The following SLCO4C1 variants were observed in gnomAD, a reference collection of about 807,000 sequenced individuals.
The protein encoded by SLCO4C1 is solute carrier organic anion transporter family member 4C1, also known as organic anion transporter M1.
Under a neutral mutation model 72.1 loss-of-function variants are expected in SLCO4C1, and 58 were observed. The observed-to-expected ratio is 0.80, with a 90% CI of 0.65 to 1.00. The LOEUF is 1.00. SLCO4C1 is among the 50% of genes least tolerant of loss of function. The pLI, the probability that SLCO4C1 is intolerant of heterozygous loss-of-function variation, is 0.00. For missense variants in SLCO4C1, 898 were observed against 857.9 expected (o/e 1.05, Z -0.58); for synonymous variants, 297 against 312.5 (o/e 0.95, Z 0.52).
At chr5:102,268,851 C>T (rs1251682723) in intron 3 of SLCO4C1, among the ~76,000 whole-genome samples, 1 of 152,120 alleles carries the variant, frequency 6.6e-6, no homozygotes, top group Non-Finnish European at 1.5e-5. Flanking sequence ...AGTGATGATG[C>T]ACTCCCTCAA....
chr5:102,239,795 G>A (rs976898622), intron 11 of SLCO4C1, among the ~76,000 whole-genome samples: 1 of 152,030 alleles, frequency 6.6e-6, no homozygotes, highest in Non-Finnish European at 1.5e-5. Context: ...CTATGTGGGT[G>A]TGCATGTGTA....
At chr5:102,260,615 T>C (rs1044196864) in intron 5 of SLCO4C1, among the ~76,000 whole-genome samples, 9 of 152,032 alleles carry the variant, frequency 5.9e-5, no homozygotes, top group South Asian at 2.1e-4. Flanking sequence ...AGTCTAAACA[T>C]TAAAATGAGA....
At chr5:102,282,587 A>C (rs1749377659) in intron 2 of SLCO4C1, among the ~76,000 whole-genome samples, 2 of 152,044 alleles carry the variant, frequency 1.3e-5, no homozygotes, top group Non-Finnish European at 2.9e-5. Context: ...CTGCAACTCC[A>C]TCTTTACTAA....
intron 10 of SLCO4C1, among the ~76,000 whole-genome samples, chr5:102,243,570 T>C (rs1748585568): frequency 6.6e-6 from 1 of 152,086 alleles, no homozygotes; most frequent in Non-Finnish European, 1.5e-5. Flanking sequence ...ACAACTAAAA[T>C]TAGAACACCC....
chr5:102,258,387 C>T (rs1489829044), intron 6 of SLCO4C1, among the ~76,000 whole-genome samples: 2 of 152,116 alleles, frequency 1.3e-5, no homozygotes, highest in African/African-American at 2.4e-5. Context: ...AAGTTCCCTT[C>T]CCCAGTGTTA....
chr5:102,242,907 C>A (rs1233824802), intron 10 of SLCO4C1, among the ~76,000 whole-genome samples: 2 of 152,160 alleles, frequency 1.3e-5, no homozygotes, highest in East Asian at 3.9e-4. Flanking sequence ...TTATTGGAGT[C>A]CCCAATTCCA....
At chr5:102,246,268 A>G (rs1419865551) in intron 10 of SLCO4C1, among the ~76,000 whole-genome samples, 1 of 152,102 alleles carries the variant, frequency 6.6e-6, no homozygotes, top group African/African-American at 2.4e-5. Flanking sequence ...TAGCCTGACT[A>G]AGAAAAAAAG....
Position 102,239,186 on chromosome 5 carries a change from CAAT to C in SLCO4C1, c.2014+62_2014+64del. 5 of 1,399,310 alleles carry C rather than the reference CAAT, an allele frequency of 3.6e-6. No homozygotes were observed. In the South Asian group the frequency reaches 5.0e-5, roughly 14 times the overall value. 86.7% of individuals were successfully genotyped at this position (1,399,310 alleles called of 1,614,324 possible). On this transcript the variant is annotated intron_variant, in intron 12 of 12. Coordinates refer to ENST00000310954, the MANE Select transcript of SLCO4C1 (RefSeq NM_180991.5). ...AATACCTGTGACCCTAAGTAACCAACAATGAGATTTTTTTTTTTTTACATCCTT... is the reference window on the plus strand; with the variant it reads ...AATACCTGTGACCCTAAGTAACCAACGAGATTTTTTTTTTTTTACATCCTT...
chr5:102,239,821 G>A (rs945848715), intron 11 of SLCO4C1, among the ~76,000 whole-genome samples: 4 of 151,878 alleles, frequency 2.6e-5, no homozygotes, highest in African/African-American at 9.7e-5. Context: ...ACTAACATGG[G>A]CCTCTGTATG....
intron 8 of SLCO4C1, among the ~76,000 whole-genome samples, chr5:102,256,204 TA>T (rs1238195068): frequency 6.6e-6 from 1 of 151,408 alleles, no homozygotes; most frequent in East Asian, 1.9e-4. Flanking sequence ...ACTCTCTGTC[TA>T]AAAAAAACAA....
At chr5:102,284,005 T>A (rs1008260177) in intron 2 of SLCO4C1, among the ~76,000 whole-genome samples, 3 of 152,214 alleles carry the variant, frequency 2.0e-5, no homozygotes, top group Admixed American at 1.3e-4. Context: ...AGCTTCCTTT[T>A]CACACTGCAA....
At chr5:102,290,933 T>A (rs1749537896) in intron 2 of SLCO4C1, among the ~76,000 whole-genome samples, 1 of 152,174 alleles carries the variant, frequency 6.6e-6, no homozygotes, top group African/African-American at 2.4e-5. Context: ...AATTTCCACT[T>A]TTCTAAATGT....
In SLCO4C1 at chr5:102,270,643, G is replaced by C; in HGVS notation, c.783C>G (p.His261Gln). The C allele has an allele frequency of 1.2e-6, 2 of 1,611,580 alleles. No individual in the cohort carries two copies. Among genetic ancestry groups the C allele is most frequent in the South Asian group, 1.1e-5 (1 of 90,648 alleles). Residue 261 changes from histidine to glutamine, a missense_variant, in exon 3 of 13, where the codon CAC becomes CAG. His to Gln is a conservative substitution (Grantham distance 24). Coordinates refer to ENST00000310954, the MANE Select transcript of SLCO4C1 (RefSeq NM_180991.5). ...ACTTACCTATATAGAGAGAAGACTT[G>C]TGTGTGGGCACAGAATCATCAAGAA... Reference protein sequence around the residue: ...TAFLDDSVPTHKSSLYIGTGY... With the variant: ...TAFLDDSVPTQKSSLYIGTGY...
In SLCO4C1 at chr5:102,257,266, C is replaced by G; in HGVS notation, c.1318G>C (p.Gly440Arg). The change falls in exon 8 of 13, where the codon GGC (glycine) becomes CGC (arginine). Residue 440 changes from glycine to arginine, a missense_variant. Gly to Arg is a moderately radical substitution (Grantham distance 125, BLOSUM62 -2). Coordinates refer to ENST00000310954, the MANE Select transcript of SLCO4C1 (RefSeq NM_180991.5). The part of the protein sequence containing the change: ...PGAALGQILG[G>R]FLVSKFRMTC... ...ATTCTGAATTTTGAAACAAGGAAGC[C>G]ACCTAAAATTTGACCGAGAGCAGCT... 6.2e-7 allele frequency: 1 copy of G among 1,605,038 alleles called. No individual in the cohort carries two copies. Among genetic ancestry groups the G allele is most frequent in the Non-Finnish European group, 8.5e-7 (1 of 1,176,358 alleles).
chr5:102,244,506 C>A (rs1748603158), intron 10 of SLCO4C1, among the ~76,000 whole-genome samples: 1 of 151,982 alleles, frequency 6.6e-6, no homozygotes, highest in Non-Finnish European at 1.5e-5. Flanking sequence ...CTTCCCAAAC[C>A]TAGAGAAAGA....
At chr5:102,247,917 CTTTTTTTT>C (rs55692838) in intron 9 of SLCO4C1, among the ~76,000 whole-genome samples, 190 of 107,420 alleles carry the variant, frequency 1.8e-3, no homozygotes, top group African/African-American at 5.2e-3. Context: ...AGGCCAGAAA[CTTTTTTTT>C]TTTTTTTTTT....
intron 2 of SLCO4C1, among the ~76,000 whole-genome samples, chr5:102,280,806 G>A (rs927788040): frequency 4.6e-5 from 7 of 152,064 alleles, no homozygotes; most frequent in African/African-American, 1.7e-4. Flanking sequence ...CCACCCCCAT[G>A]ATCAAATAAC....
At chr5:102,289,709 C>A (rs1182836323) in intron 2 of SLCO4C1, among the ~76,000 whole-genome samples, 2 of 152,214 alleles carry the variant, frequency 1.3e-5, no homozygotes, top group African/African-American at 4.8e-5. Context: ...CTTGTGCAGT[C>A]TTGTCCAATC....
At chr5:102,276,962 A>G (rs1032862336) in intron 2 of SLCO4C1, among the ~76,000 whole-genome samples, 3 of 152,088 alleles carry the variant, frequency 2.0e-5, no homozygotes, top group Non-Finnish European at 4.4e-5. Context: ...GCACCAATCC[A>G]TTGCCGCTCC....
Sources: gnomAD v4.1 joint callset for allele counts (sites outside exome capture counted in the v4.1 genomes callset) on GRCh38, gnomAD v4.1.1 for gene constraint, MANE v1.5 for transcripts, NCBI Gene and HGNC (gene_info 2026-07-23, HGNC 2026-07-21) for gene names.